Variants in PPP3CA observed in about 807,000 individuals in gnomAD.
PPP3CA encodes CAM-PRP catalytic subunit.
PPP3CA carries 14 observed loss-of-function variants against 66.5 expected under a neutral mutation model. The observed-to-expected ratio is 0.21, with a 90% CI of 0.14 to 0.33. The LOEUF (loss-of-function observed/expected upper bound fraction) is 0.33, where lower values mean the gene tolerates loss of function less well. Among genes scored for constraint, PPP3CA ranks in the 10% least tolerant of loss-of-function variants. PPP3CA has a pLI of 1.00. For missense variants in PPP3CA, 317 were observed against 639.5 expected (o/e 0.50, Z 5.44); for synonymous variants, 232 against 226.2 (o/e 1.03, Z -0.23).
At chr4:101,333,735 TTC>T in intron 1 of PPP3CA, among the ~76,000 whole-genome samples, 1 of 152,312 alleles carries the variant, frequency 6.6e-6, no homozygotes, top group South Asian at 2.1e-4. Context: ...ATGCTACACT[TTC>T]CACAAATTCA....
At chr4:101,171,355 A>AG (rs1201088482) in intron 2 of PPP3CA, 1 of 348,366 alleles carries the variant, frequency 2.9e-6, no homozygotes, top group Non-Finnish European at 5.6e-6. Flanking sequence ...TCTTTCAAAA[A>AG]AAAAAAAAAA....
rs1351795446 is a variant in PPP3CA, at chr4:101,312,717, AT to A, written c.58+34021del. Among the ~76,000 whole-genome samples the A allele has an allele frequency of 2.0e-5, 3 of 152,262 alleles. No homozygotes were observed. In the East Asian group the frequency reaches 5.8e-4, roughly 29 times the overall value. On this transcript the variant is annotated intron_variant, in intron 1 of 13. Transcript: ENST00000394854. The stretch of plus-strand genomic sequence containing the variant: ...AACTTCAAATAATCTTTAATTATTA[AT>A]TTTTTAAAAGAAAATGTATAGATTA...
intron 3 of PPP3CA, among the ~76,000 whole-genome samples, chr4:101,102,012 C>T (rs1315391453): frequency 6.6e-6 from 1 of 152,232 alleles, no homozygotes; most frequent in South Asian, 2.1e-4. Context: ...GGCTTTATCC[C>T]GTCCAGTCTT....
intron 6 of PPP3CA, among the ~76,000 whole-genome samples, chr4:101,090,322 G>A (rs748620337): frequency 6.6e-6 from 1 of 152,116 alleles, no homozygotes; most frequent in Non-Finnish European, 1.5e-5. Flanking sequence ...ACTTGCCATA[G>A]CTAAAAATCA....
chr4:101,086,549 T>G (rs575623795), intron 6 of PPP3CA, among the ~76,000 whole-genome samples: 1 of 152,344 alleles, frequency 6.6e-6, no homozygotes, highest in Admixed American at 6.5e-5. Flanking sequence ...AAATGTTTTT[T>G]TTTTAAATGT....
At chr4:101,096,171 A>C (rs538951415) in intron 5 of PPP3CA, among the ~76,000 whole-genome samples, 4 of 152,288 alleles carry the variant, frequency 2.6e-5, no homozygotes, top group Non-Finnish European at 4.4e-5. Flanking sequence ...TAAACACATT[A>C]TTTTTATACT....
At chr4:101,297,185 G>A (rs114664624) in intron 1 of PPP3CA, among the ~76,000 whole-genome samples, 82 of 152,170 alleles carry the variant, frequency 5.4e-4, no homozygotes, top group South Asian at 2.7e-3. Flanking sequence ...AGACTGCTAC[G>A]TGACAAGTTG....
intron 6 of PPP3CA, among the ~76,000 whole-genome samples, chr4:101,087,527 G>C (rs1368414448): frequency 6.6e-6 from 1 of 152,040 alleles, no homozygotes; most frequent in African/African-American, 2.4e-5. Context: ...TGAAAGATTA[G>C]TTTTCTCTGA....
At chr4:101,255,633 G>T (rs1305483723) in intron 1 of PPP3CA, among the ~76,000 whole-genome samples, 1 of 151,664 alleles carries the variant, frequency 6.6e-6, no homozygotes, top group Non-Finnish European at 1.5e-5. Flanking sequence ...CCAAAAGTAA[G>T]TAAATTCTGC....
intron 6 of PPP3CA, among the ~76,000 whole-genome samples, chr4:101,089,156 C>T (rs1026876807): frequency 2.0e-5 from 3 of 151,978 alleles, no homozygotes; most frequent in African/African-American, 7.3e-5. Context: ...CAGGAACTGG[C>T]CATAGAGTTT....
chr4:101,247,168 T>C (rs915935465), intron 1 of PPP3CA, among the ~76,000 whole-genome samples: 6 of 152,018 alleles, frequency 3.9e-5, no homozygotes, highest in Non-Finnish European at 8.8e-5. Context: ...CTTTTCGTTT[T>C]TTCTTTTTTT....
chr4:101,289,289 A>C (rs1173864388), intron 1 of PPP3CA, among the ~76,000 whole-genome samples: 1 of 152,206 alleles, frequency 6.6e-6, no homozygotes, highest in Non-Finnish European at 1.5e-5. Context: ...TGTATTCTGC[A>C]CTTTCACTTG....
chr4:101,138,531 T>C (rs1722695274), intron 2 of PPP3CA, among the ~76,000 whole-genome samples: 1 of 152,234 alleles, frequency 6.6e-6, no homozygotes, highest in Non-Finnish European at 1.5e-5. Flanking sequence ...GGTTTTAGAA[T>C]ATTTATCTAC....
rs878909999 is a variant in PPP3CA at position 101,330,608 on chromosome 4, T to C, written c.58+16131A>G. 3.3e-5 allele frequency among the ~76,000 whole-genome samples: 5 copies of C among 152,110 alleles called. No individual in the cohort carries two copies. In the South Asian group the frequency reaches 8.3e-4, roughly 25 times the overall value. On this transcript the variant is annotated intron_variant, in intron 1 of 13. Transcript: ENST00000394854. Reference sequence around the variant, plus strand: ...AACATGCATTGTGAAACCAAAAAATTTGTGTGACTAGCTTTCCTGTGATAT... The same window carrying C: ...AACATGCATTGTGAAACCAAAAAATCTGTGTGACTAGCTTTCCTGTGATAT...
rs78553006 is a variant in PPP3CA at position 101,122,294 on chromosome 4, G to A, written c.260-13216C>T. ...TGGCTTCAAGTATGTTCTGTGGAGT[G>A]GAAGGGTTCTTGAGGAGTGTCAGGG... is the stretch of plus-strand genomic sequence containing the variant. On this transcript the variant is annotated intron_variant, in intron 2 of 13. Coordinates refer to ENST00000394854, the MANE Select transcript of PPP3CA (RefSeq NM_000944.5). Among the ~76,000 whole-genome samples the A allele has an allele frequency of 2.6e-3, 390 of 152,304 alleles. 1 individual carries two copies. Among genetic ancestry groups the A allele is most frequent in the African/African-American group, 9.1e-3 (380 of 41,562 alleles).
chr4:101,098,992 T>A (rs993992419), intron 4 of PPP3CA, among the ~76,000 whole-genome samples: 1 of 152,124 alleles, frequency 6.6e-6, no homozygotes, highest in African/African-American at 2.4e-5. Flanking sequence ...TTATGCTCCA[T>A]TGAATATAGG....
chr4:101,152,336 G>C (rs17030810), intron 2 of PPP3CA, among the ~76,000 whole-genome samples: 13,875 of 152,204 alleles, frequency 0.091, 826 homozygotes, highest in South Asian at 0.16. Flanking sequence ...AAGAGTAATT[G>C]AGAATAACTA....
intron 1 of PPP3CA, among the ~76,000 whole-genome samples, chr4:101,199,951 A>G (rs1282076969): frequency 1.3e-5 from 2 of 152,222 alleles, no homozygotes; most frequent in Non-Finnish European, 2.9e-5. Flanking sequence ...TCAAGTCACA[A>G]AAACCCTGCA....
chr4:101,283,202 G>T (rs191982972), intron 1 of PPP3CA, among the ~76,000 whole-genome samples: 21 of 152,258 alleles, frequency 1.4e-4, no homozygotes, highest in African/African-American at 4.8e-4. Context: ...TCAAACACTT[G>T]GTTTTAACAT....
Sources: allele counts gnomAD v4.1 joint callset (sites outside exome capture counted in the v4.1 genomes callset), GRCh38; gene constraint gnomAD v4.1.1; transcripts MANE v1.5; gene names NCBI Gene and HGNC (gene_info 2026-07-23, HGNC 2026-07-21).